The following SLC30A8 variants were observed in gnomAD, a reference collection of about 807,000 sequenced individuals.
SLC30A8 encodes proton-coupled zinc antiporter SLC30A8.
In SLC30A8, 27 loss-of-function variants were observed where a neutral mutation model predicts 36.9. That is an observed-to-expected ratio of 0.73 (90% CI 0.54 to 1.01). SLC30A8 has a LOEUF of 1.01. Ranked by LOEUF, SLC30A8 falls within the 50% of genes least tolerant of loss-of-function variation. SLC30A8 has a pLI of 0.00. For synonymous variants in SLC30A8, 164 were observed against 172.4 expected (o/e 0.95, Z 0.38); for missense variants, 439 against 452.0 (o/e 0.97, Z 0.26).
At chr8:117,087,855 A>C (rs908043075) in intron 2 of SLC30A8, among the ~76,000 whole-genome samples, 6 of 152,168 alleles carry the variant, frequency 3.9e-5, no homozygotes, top group Non-Finnish European at 7.3e-5. Flanking sequence ...TTATATAAAC[A>C]GTATTAAGTC....
intron 1 of SLC30A8, among the ~76,000 whole-genome samples, chr8:116,999,844 TA>T (rs923214230): frequency 1.9e-3 from 284 of 152,056 alleles, no homozygotes; most frequent in African/African-American, 6.7e-3. Flanking sequence ...AAAGCAGACA[TA>T]AAAAATTAAT....
intron 1 of SLC30A8, among the ~76,000 whole-genome samples, chr8:116,959,375 G>A (rs1201572943): frequency 6.6e-6 from 1 of 152,080 alleles, no homozygotes; most frequent in East Asian, 1.9e-4. Flanking sequence ...TATAGTAACT[G>A]TTTTAAGGTG....
chr8:116,989,676 G>A (rs1470344932), intron 1 of SLC30A8, among the ~76,000 whole-genome samples: 3 of 152,180 alleles, frequency 2.0e-5, no homozygotes, highest in African/African-American at 7.2e-5. Context: ...TATATCAGAA[G>A]GATGCAGTAG....
At chr8:117,027,639 C>A (rs937870806) in intron 1 of SLC30A8, among the ~76,000 whole-genome samples, 1 of 152,240 alleles carries the variant, frequency 6.6e-6, no homozygotes, top group South Asian at 2.1e-4. Flanking sequence ...ACCAGAGAAA[C>A]CTAGGCAGGA....
intron 1 of SLC30A8, among the ~76,000 whole-genome samples, chr8:117,020,071 C>T (rs1292809319): frequency 6.6e-6 from 1 of 152,186 alleles, no homozygotes; most frequent in Non-Finnish European, 1.5e-5. Context: ...CGCCTCAGTG[C>T]AGGGCTCAGT....
chr8:117,098,088 T>TAAA (rs1819540516), intron 2 of SLC30A8, among the ~76,000 whole-genome samples: 5 of 139,922 alleles, frequency 3.6e-5, no homozygotes, highest in Non-Finnish European at 7.6e-5. Flanking sequence ...ATTATATATA[T>TAAA]TATATATAAT....
intron 1 of SLC30A8, among the ~76,000 whole-genome samples, chr8:117,005,599 A>G (rs921379672): frequency 2.0e-5 from 3 of 152,186 alleles, no homozygotes; most frequent in African/African-American, 7.2e-5. Context: ...CCTATGTGGA[A>G]TTGCTGGGTC....
intron 1 of SLC30A8, among the ~76,000 whole-genome samples, chr8:116,970,650 C>T (rs949690068): frequency 1.3e-5 from 2 of 152,068 alleles, no homozygotes; most frequent in Non-Finnish European, 2.9e-5. Context: ...TGTATGGGAC[C>T]ACCATCATAT....
exon 1 of SLC30A8, chr8:116,951,069 G>C (rs180737770): frequency 6.6e-6 from 1 of 152,234 alleles, no homozygotes; most frequent in Non-Finnish European, 1.5e-5. Flanking sequence ...GGAATGCAGT[G>C]TTGGGAATCT....
chr8:116,965,845 C>T (rs974959763), intron 1 of SLC30A8, among the ~76,000 whole-genome samples: 4 of 151,334 alleles, frequency 2.6e-5, no homozygotes, highest in African/African-American at 9.7e-5. Flanking sequence ...AATCTTCTTG[C>T]TAGAGGCTCT....
rs4876694 is a variant in SLC30A8 at position 117,017,488 on chromosome 8, C to T, written c.-265-21731C>T. Among the ~76,000 whole-genome samples, 14 of 152,202 alleles carry T rather than the reference C, an allele frequency of 9.2e-5. 1 individual carries two copies. Among genetic ancestry groups the T allele is most frequent in the Admixed American group, 5.2e-4 (8 of 15,290 alleles). On this transcript the variant is annotated intron_variant, in intron 1 of 10. Coordinates refer to the SLC30A8 transcript ENST00000427715. ...AAAATATTTGCTAAACACTTACTCT[C>T]TGTCTGGCATAGTTTTTGGCCCAAT...
intron 1 of SLC30A8, among the ~76,000 whole-genome samples, chr8:117,027,785 G>C (rs575158292): frequency 1.3e-5 from 2 of 152,138 alleles, no homozygotes; most frequent in East Asian, 3.9e-4. Context: ...ATATTCACCT[G>C]CCACCCTGCT....
intron 1 of SLC30A8, among the ~76,000 whole-genome samples, chr8:117,018,853 G>T (rs1345271934): frequency 2.6e-5 from 4 of 151,984 alleles, no homozygotes; most frequent in African/African-American, 9.7e-5. Flanking sequence ...TAGAGATGCG[G>T]TTTTTCACCA....
At chr8:117,129,861 T>C (rs922815052) in intron 2 of SLC30A8, 1 of 151,984 alleles carries the variant, frequency 6.6e-6, no homozygotes, top group African/African-American at 2.4e-5. Flanking sequence ...TAATGTTTTG[T>C]GTTTGCTTGT....
intron 2 of SLC30A8, among the ~76,000 whole-genome samples, chr8:117,105,360 T>TTA (rs983982875): frequency 6.6e-6 from 1 of 152,148 alleles, no homozygotes; most frequent in Non-Finnish European, 1.5e-5. Flanking sequence ...ATTTATTTAT[T>TTA]TATTTATTTA....
intron 1 of SLC30A8, among the ~76,000 whole-genome samples, chr8:116,989,663 G>A (rs4242569): frequency 1 from 152,112 of 152,336 alleles, 75,946 homozygotes; most frequent in Middle Eastern, 1. Context: ...TGGTGAATGT[G>A]GATATATCAG....
intron 2 of SLC30A8, among the ~76,000 whole-genome samples, chr8:117,111,465 C>T (rs1820223435): frequency 6.6e-6 from 1 of 152,076 alleles, no homozygotes; most frequent in African/African-American, 2.4e-5. Context: ...ACTATGTTTT[C>T]CAAATTATTG....
chr8:117,174,229 G>A lies in SLC30A8; in HGVS notation c.*1548G>A, dbSNP rs1405278041. 1 of 152,090 alleles carries A rather than the reference G, an allele frequency of 6.6e-6. No homozygotes were observed. Among genetic ancestry groups the A allele is most frequent in the Admixed American group, 6.6e-5 (1 of 15,266 alleles). The allele number at this position is 152,090 out of a possible 1,614,324, so 9.4% of individuals were successfully genotyped here. A position where few individuals can be genotyped will look rare whatever the true frequency, so the allele number is the denominator to read the frequency against. The stretch of plus-strand genomic sequence containing the variant: ...TAGCAAGGTACTAGAAACCTAGCAG[G>A]CATTAATAATTGTTGAGGCAATGAC... On this transcript the variant is annotated 3_prime_UTR_variant, in exon 8 of 8. Coordinates refer to ENST00000456015, the MANE Select transcript of SLC30A8 (RefSeq NM_173851.3).
At chr8:116,992,568 A>G (rs1815680045) in intron 1 of SLC30A8, among the ~76,000 whole-genome samples, 1 of 152,136 alleles carries the variant, frequency 6.6e-6, no homozygotes, top group Non-Finnish European at 1.5e-5. Context: ...GAGGGACAAA[A>G]ATTAGAGAGC....
Sources: gnomAD v4.1 joint callset for allele counts (sites outside exome capture counted in the v4.1 genomes callset) on GRCh38, gnomAD v4.1.1 for gene constraint, MANE v1.5 for transcripts, NCBI Gene and HGNC (gene_info 2026-07-23, HGNC 2026-07-21) for gene names.